PLD5: variants seen among roughly 807,000 people sequenced by gnomAD.
The protein encoded by PLD5 is inactive phospholipase D5.
A neutral mutation model predicts 61.1 loss-of-function variants in PLD5; 36 were observed. The ratio of observed to expected loss-of-function variants is 0.59; its 90% confidence interval spans 0.45 to 0.78. The LOEUF is 0.78. Among genes scored for constraint, PLD5 ranks in the 30% least tolerant of loss-of-function variants. PLD5 has a pLI of 0.00. For synonymous variants in PLD5, 243 were observed against 242.8 expected, an observed-to-expected ratio of 1.00 and a Z score of -0.01; for missense variants, 515 against 644.4, an observed-to-expected ratio of 0.80 and a Z score of 2.17.
chr1:242,361,035 A>G (rs1259339472), intron 1 of PLD5, among the ~76,000 whole-genome samples: 106 of 152,122 alleles, frequency 7.0e-4, no homozygotes. Flanking sequence ...CCTAACAAAG[A>G]CAATATCAAT....
intron 5 of PLD5, among the ~76,000 whole-genome samples, chr1:242,154,327 A>G (rs1665172434): frequency 6.6e-6 from 1 of 151,956 alleles, no homozygotes; most frequent in Non-Finnish European, 1.5e-5. Flanking sequence ...CTATTTGAAT[A>G]CCCTTATTTC....
chr1:242,246,672 T>C (rs1203983438), intron 4 of PLD5, among the ~76,000 whole-genome samples: 7 of 152,174 alleles, frequency 4.6e-5, no homozygotes, highest in Non-Finnish European at 4.4e-5. Context: ...CTTAGCAACA[T>C]AATCTAAAGA....
intron 1 of PLD5, among the ~76,000 whole-genome samples, chr1:242,392,670 C>A (rs1455532508): frequency 6.6e-6 from 1 of 152,142 alleles, no homozygotes; most frequent in East Asian, 1.9e-4. Context: ...CTCAGAGGAG[C>A]CTGCTACTTC....
intron 1 of PLD5, among the ~76,000 whole-genome samples, chr1:242,419,380 ATTTT>A (rs925645948): frequency 8.7e-6 from 1 of 114,656 alleles, no homozygotes; most frequent in Admixed American, 8.9e-5. Context: ...TGCAGTCCTG[ATTTT>A]TGTTTTTTTT....
intron 1 of PLD5, among the ~76,000 whole-genome samples, chr1:242,415,511 A>ATT (rs397860268): frequency 3.1e-5 from 4 of 129,856 alleles, no homozygotes; most frequent in South Asian, 2.5e-4. Context: ...AGCCATAAAG[A>ATT]TTTTTTTTTT....
intron 5 of PLD5, among the ~76,000 whole-genome samples, chr1:242,174,451 G>A (rs1346312470): frequency 4.6e-5 from 7 of 152,010 alleles, no homozygotes; most frequent in African/African-American, 1.7e-4. Context: ...ACTGTTGGTG[G>A]GACTGTAAAC....
chr1:242,275,670 G>C (rs545555632), intron 3 of PLD5, among the ~76,000 whole-genome samples: 2 of 152,306 alleles, frequency 1.3e-5, no homozygotes, highest in Admixed American at 1.3e-4. Flanking sequence ...GAGGAAGACA[G>C]AGCAAGGGAA....
intron 5 of PLD5, among the ~76,000 whole-genome samples, chr1:242,161,802 T>G (rs1308085255): frequency 6.6e-6 from 1 of 152,116 alleles, no homozygotes; most frequent in Non-Finnish European, 1.5e-5. Context: ...AGAAATATAT[T>G]TGGTGCCCTT....
At chr1:242,179,225 A>T (rs145886350) in intron 5 of PLD5, among the ~76,000 whole-genome samples, 78 of 152,270 alleles carry the variant, frequency 5.1e-4, no homozygotes, top group African/African-American at 1.7e-3. Context: ...AAGCATCAGG[A>T]CAGACCCTTA....
intron 6 of PLD5, among the ~76,000 whole-genome samples, chr1:242,115,937 G>A (rs908793674): frequency 1.1e-4 from 17 of 152,172 alleles, no homozygotes; most frequent in African/African-American, 3.6e-4. Context: ...TGGAGTTGCT[G>A]TAGAAAGGGA....
chr1:242,230,727 AG>A (rs1310049516), intron 4 of PLD5, among the ~76,000 whole-genome samples: 2 of 144,124 alleles, frequency 1.4e-5, no homozygotes, highest in East Asian at 4.5e-4. Flanking sequence ...AAAAATAAAA[AG>A]AATCTTAGCA....
intron 1 of PLD5, among the ~76,000 whole-genome samples, chr1:242,413,856 A>G (rs1664685025): frequency 6.6e-6 from 1 of 152,226 alleles, no homozygotes; most frequent in South Asian, 2.1e-4. Flanking sequence ...AGGCTAATTT[A>G]TGAGGGACAA....
intron 1 of PLD5, among the ~76,000 whole-genome samples, chr1:242,480,982 A>G (rs917120326): frequency 2.6e-5 from 4 of 152,178 alleles, no homozygotes; most frequent in Non-Finnish European, 4.4e-5. Flanking sequence ...TACACTTAGT[A>G]CTTTTTTTAG....
chr1:242,378,431 G>A (rs1173388687), intron 1 of PLD5, among the ~76,000 whole-genome samples: 3 of 152,166 alleles, frequency 2.0e-5, no homozygotes, highest in Non-Finnish European at 4.4e-5. Flanking sequence ...TCTGTGGATG[G>A]ATGGTGGCAA....
chr1:242,206,621 G>C (rs1274395861), intron 5 of PLD5, among the ~76,000 whole-genome samples: 1 of 152,118 alleles, frequency 6.6e-6, no homozygotes, highest in Non-Finnish European at 1.5e-5. Context: ...TTATAATAAA[G>C]TAAGCTAGAG....
At chr1:242,166,961 G>A (rs1015563896) in intron 5 of PLD5, among the ~76,000 whole-genome samples, 5 of 151,886 alleles carry the variant, frequency 3.3e-5, no homozygotes, top group African/African-American at 1.2e-4. Context: ...TAAAATGAAA[G>A]TTCCAAAGAA....
At chr1:242,376,897 G>A (rs1347632049) in intron 1 of PLD5, 1 of 1,579,974 alleles carries the variant, frequency 6.3e-7, no homozygotes, top group Middle Eastern at 2.4e-4. Context: ...TGTGGACAGG[G>A]ATTTTCCTCA....
At chr1:242,229,988 T>G (rs569537927) in intron 4 of PLD5, among the ~76,000 whole-genome samples, 1 of 152,052 alleles carries the variant, frequency 6.6e-6, no homozygotes, top group Non-Finnish European at 1.5e-5. Context: ...CCAGGGGATG[T>G]GCAGCAATGC....
intron 1 of PLD5, among the ~76,000 whole-genome samples, chr1:242,394,515 C>CATATATATGTGTATATATGTGA (rs1663278933): frequency 3.0e-5 from 1 of 32,862 alleles, no homozygotes; most frequent in Admixed American, 4.5e-4. Flanking sequence ...TATATGTGAA[C>CATATATATGTGTATATATGTGA]ATATATATGT....
Sources: gnomAD v4.1 joint callset for allele counts (sites outside exome capture counted in the v4.1 genomes callset) on GRCh38, gnomAD v4.1.1 for gene constraint, MANE v1.5 for transcripts, NCBI Gene and HGNC (gene_info 2026-07-23, HGNC 2026-07-21) for gene names.